The following CNTN5 variants were observed in gnomAD, a reference collection of about 807,000 sequenced individuals.
The protein encoded by CNTN5 is contactin-5.
A neutral mutation model predicts 129.1 loss-of-function variants in CNTN5; 77 were observed. The ratio of observed to expected loss-of-function variants is 0.60; its 90% CI spans 0.50 to 0.72. CNTN5 has a LOEUF of 0.72. Ranked by LOEUF, CNTN5 falls within the 30% of genes least tolerant of loss-of-function variation. The probability of loss-of-function intolerance (pLI) is 0.00; values close to 1 mark genes in which losing one functional copy is unlikely to be tolerated. For missense variants in CNTN5, 1,478 were observed against 1,328.8 expected (o/e 1.11, Z -1.75); for synonymous variants, 509 against 465.6 (o/e 1.09, Z -1.20).
At chr11:100,149,106 A>T (rs1232998131) in intron 13 of CNTN5, among the ~76,000 whole-genome samples, 2 of 152,204 alleles carry the variant, frequency 1.3e-5, no homozygotes. Context: ...AAAGATGACA[A>T]TTTGACATGT....
chr11:99,406,220 G>T (rs1042921629), intron 2 of CNTN5, among the ~76,000 whole-genome samples: 25 of 151,874 alleles, frequency 1.6e-4, no homozygotes, highest in Admixed American at 6.6e-5. Context: ...ATTCAAAAAG[G>T]CTTGGGAATT....
chr11:99,199,947 A>C (rs1278834019), intron 1 of CNTN5, among the ~76,000 whole-genome samples: 1 of 150,920 alleles, frequency 6.6e-6, no homozygotes, highest in Non-Finnish European at 1.5e-5. Context: ...TACTTTGCGA[A>C]CACCAATATA....
chr11:99,978,287 T>C (rs1460583507), intron 8 of CNTN5, among the ~76,000 whole-genome samples: 4 of 152,226 alleles, frequency 2.6e-5, no homozygotes, highest in Admixed American at 2.0e-4. Context: ...AATAAGTTTA[T>C]AAAGTAAAAA....
intron 2 of CNTN5, among the ~76,000 whole-genome samples, chr11:99,354,931 C>G (rs1938538399): frequency 6.6e-6 from 1 of 152,184 alleles, no homozygotes; most frequent in Non-Finnish European, 1.5e-5. Context: ...TTTAGCCCTA[C>G]CCCTCTCTCC....
intron 1 of CNTN5, among the ~76,000 whole-genome samples, chr11:99,300,418 T>C (rs985582174): frequency 6.6e-6 from 1 of 152,146 alleles, no homozygotes; most frequent in Non-Finnish European, 1.5e-5. Flanking sequence ...GTGAATTACA[T>C]TTATTGTTTT....
At chr11:99,586,413 T>C (rs1482680721) in intron 3 of CNTN5, among the ~76,000 whole-genome samples, 1 of 152,196 alleles carries the variant, frequency 6.6e-6, no homozygotes, top group Non-Finnish European at 1.5e-5. Context: ...TAAAAAATGC[T>C]CTAATTAAAG....
At chr11:99,735,927 C>T (rs1254542734) in intron 3 of CNTN5, among the ~76,000 whole-genome samples, 2 of 152,150 alleles carry the variant, frequency 1.3e-5, no homozygotes, top group African/African-American at 4.8e-5. Flanking sequence ...CCACCGTCTC[C>T]TCATTCATCC....
chr11:99,099,816 A>G (rs1044640999), intron 1 of CNTN5, among the ~76,000 whole-genome samples: 9 of 152,204 alleles, frequency 5.9e-5, no homozygotes, highest in African/African-American at 2.2e-4. Context: ...ACTGACATTT[A>G]ATAAGAAGGC....
At chr11:99,924,092 T>A (rs2136046410) in intron 7 of CNTN5, among the ~76,000 whole-genome samples, 1 of 152,282 alleles carries the variant, frequency 6.6e-6, no homozygotes, top group South Asian at 2.1e-4. Context: ...ACCCGGCATC[T>A]ATTATTTTTG....
intron 3 of CNTN5, among the ~76,000 whole-genome samples, chr11:99,669,438 TATG>T (rs753884303): frequency 6.9e-4 from 88 of 127,230 alleles, no homozygotes; most frequent in Non-Finnish European, 6.7e-4. Context: ...AGCTATTAAA[TATG>T]GTGTGTGTGT....
chr11:99,257,807 C>A (rs1205256015), intron 1 of CNTN5, among the ~76,000 whole-genome samples: 1 of 151,842 alleles, frequency 6.6e-6, no homozygotes, highest in African/African-American at 2.4e-5. Flanking sequence ...AAAATATAAA[C>A]AAAAGTATGA....
chr11:99,902,071 G>T (rs955178068), intron 6 of CNTN5, among the ~76,000 whole-genome samples: 2 of 152,076 alleles, frequency 1.3e-5, no homozygotes, highest in African/African-American at 4.8e-5. Flanking sequence ...TTTATACATT[G>T]CAGATGTGTA....
intron 8 of CNTN5, among the ~76,000 whole-genome samples, chr11:99,965,457 TA>T (rs200056297): frequency 0.056 from 8,557 of 152,230 alleles, 268 homozygotes; most frequent in Non-Finnish European, 0.076. Flanking sequence ...AGTTTCCATG[TA>T]GTTGAGCGGT....
At chr11:99,700,045 G>T (rs902318278) in intron 3 of CNTN5, among the ~76,000 whole-genome samples, 9 of 151,280 alleles carry the variant, frequency 5.9e-5, no homozygotes, top group African/African-American at 9.7e-5. Context: ...GGCCTCCATG[G>T]TTCCACAGGT....
At chr11:99,442,429 C>T (rs1943872738) in intron 2 of CNTN5, among the ~76,000 whole-genome samples, 1 of 152,146 alleles carries the variant, frequency 6.6e-6, no homozygotes, top group South Asian at 2.1e-4. Flanking sequence ...CTTGGCCTCC[C>T]AAAGTGCTGG....
intron 2 of CNTN5, among the ~76,000 whole-genome samples, chr11:99,383,721 T>C (rs1940747002): frequency 6.6e-6 from 1 of 152,166 alleles, no homozygotes. Context: ...ATTTTTAAAG[T>C]ATGCTATTAA....
chr11:99,139,238 C>A (rs758768578), intron 1 of CNTN5, among the ~76,000 whole-genome samples: 1 of 152,090 alleles, frequency 6.6e-6, no homozygotes, highest in African/African-American at 2.4e-5. Context: ...CTGCACTTCA[C>A]TTCACCCTGC....
At chr11:99,854,243 A>G (rs79371521) in intron 6 of CNTN5, among the ~76,000 whole-genome samples, 3,131 of 152,156 alleles carry the variant, frequency 0.021, 92 homozygotes, top group African/African-American at 0.071. Flanking sequence ...CTCCCTCTGT[A>G]TTGCTTATTG....
At chr11:99,117,052 G>C (rs1858076888) in intron 1 of CNTN5, among the ~76,000 whole-genome samples, 1 of 151,920 alleles carries the variant, frequency 6.6e-6, no homozygotes, top group African/African-American at 2.4e-5. Flanking sequence ...TAGTAAAAGA[G>C]GTGAGAGGAA....
Sources: gnomAD v4.1 joint callset for allele counts (sites outside exome capture counted in the v4.1 genomes callset) on GRCh38, gnomAD v4.1.1 for gene constraint, MANE v1.5 for transcripts, NCBI Gene and HGNC (gene_info 2026-07-23, HGNC 2026-07-21) for gene names.